Variants in ABTB3 observed in about 807,000 individuals in gnomAD.
The protein encoded by ABTB3 is ankyrin repeat- and BTB/POZ domain-containing protein 3.
the ABTB3 span, among the ~76,000 whole-genome samples, chr12:107,567,104 C>A: frequency 6.6e-6 from 1 of 152,304 alleles, no homozygotes; most frequent in Non-Finnish European, 1.5e-5. Flanking sequence ...GGGTGACAGA[C>A]CAAGATCTTG....
At chr12:107,401,089 A>T in the ABTB3 span, among the ~76,000 whole-genome samples, 1 of 152,142 alleles carries the variant, frequency 6.6e-6, no homozygotes, top group Non-Finnish European at 1.5e-5. Flanking sequence ...GCTCTCATGG[A>T]AACCTGGGGT....
the ABTB3 span, among the ~76,000 whole-genome samples, chr12:107,444,323 GC>G: frequency 6.6e-6 from 1 of 152,128 alleles, no homozygotes; most frequent in Non-Finnish European, 1.5e-5. Context: ...CAGAGAAGGG[GC>G]AATGAAACAA....
the ABTB3 span, among the ~76,000 whole-genome samples, chr12:107,375,410 C>A: frequency 5.4e-5 from 8 of 149,000 alleles, no homozygotes; most frequent in Admixed American, 2.7e-4. Flanking sequence ...CAGAGTGAGA[C>A]CTGGTGTCAG....
the ABTB3 span, among the ~76,000 whole-genome samples, chr12:107,619,667 G>A: frequency 0.028 from 4,213 of 152,206 alleles, 204 homozygotes; most frequent in African/African-American, 0.095. Flanking sequence ...AGTAGCGTGC[G>A]TAATAATTCC....
At chr12:107,483,612 T>A in the ABTB3 span, among the ~76,000 whole-genome samples, 3 of 152,198 alleles carry the variant, frequency 2.0e-5, 1 homozygote, top group Non-Finnish European at 1.5e-5. Flanking sequence ...ACTTGGTTGA[T>A]CTGATTCCCA....
chr12:107,549,816 C>G, the ABTB3 span, among the ~76,000 whole-genome samples: 1 of 152,158 alleles, frequency 6.6e-6, no homozygotes, highest in Non-Finnish European at 1.5e-5. Context: ...AGACCCAGAG[C>G]TTTGGACTTC....
the ABTB3 span, among the ~76,000 whole-genome samples, chr12:107,521,245 C>T: frequency 6.8e-6 from 1 of 147,374 alleles, no homozygotes; most frequent in Admixed American, 6.9e-5. Flanking sequence ...AGTCGCTGGT[C>T]ACATGTCTTC....
chr12:107,608,942 T>A, the ABTB3 span, among the ~76,000 whole-genome samples: 330 of 60,222 alleles, frequency 5.5e-3, 2 homozygotes, highest in Non-Finnish European at 7.6e-3. Context: ...TAAAATAAAA[T>A]AAATAAAATA....
chr12:107,611,218 C>CTT, the ABTB3 span, among the ~76,000 whole-genome samples: 1 of 151,418 alleles, frequency 6.6e-6, no homozygotes, highest in African/African-American at 2.4e-5. Flanking sequence ...GTTGAATATT[C>CTT]TTTTTTTTTA....
At chr12:107,586,620 CAG>C in the ABTB3 span, among the ~76,000 whole-genome samples, 2 of 152,202 alleles carry the variant, frequency 1.3e-5, no homozygotes, top group African/African-American at 4.8e-5. Flanking sequence ...TCCCAGAAAA[CAG>C]AGAAACTGCC....
At chr12:107,475,888 C>G in the ABTB3 span, among the ~76,000 whole-genome samples, 4 of 152,086 alleles carry the variant, frequency 2.6e-5, no homozygotes, top group Admixed American at 2.6e-4. Context: ...GAAGGTTGAA[C>G]AGCGCTTCAG....
chr12:107,505,200 T>G, the ABTB3 span, among the ~76,000 whole-genome samples: 1 of 152,350 alleles, frequency 6.6e-6, no homozygotes, highest in Non-Finnish European at 1.5e-5. Flanking sequence ...CCTTCACCAT[T>G]TGAACCACAG....
the ABTB3 span, among the ~76,000 whole-genome samples, chr12:107,324,491 A>G: frequency 6.6e-6 from 1 of 152,308 alleles, no homozygotes; most frequent in Non-Finnish European, 1.5e-5. Context: ...AAAATAAAAT[A>G]AAATAAAATT....
the ABTB3 span, among the ~76,000 whole-genome samples, chr12:107,449,657 C>CT: frequency 1.1e-4 from 16 of 151,306 alleles, no homozygotes; most frequent in Admixed American, 3.3e-4. Context: ...GAAGTACCCA[C>CT]TTTTTTTTTA....
the ABTB3 span, among the ~76,000 whole-genome samples, chr12:107,495,529 C>G: frequency 6.6e-6 from 1 of 152,222 alleles, no homozygotes; most frequent in Non-Finnish European, 1.5e-5. Context: ...GGGACTCCAT[C>G]CCTAACGGGG....
chr12:107,387,989 T>C, the ABTB3 span, among the ~76,000 whole-genome samples: 1 of 148,958 alleles, frequency 6.7e-6, no homozygotes, highest in Non-Finnish European at 1.5e-5. Flanking sequence ...TTTTTTTTTT[T>C]TGAGACAGAG....
the ABTB3 span, among the ~76,000 whole-genome samples, chr12:107,367,339 T>C: frequency 6.6e-6 from 1 of 152,188 alleles, no homozygotes; most frequent in Non-Finnish European, 1.5e-5. Flanking sequence ...AAATGCATAC[T>C]GAAGTCAACC....
At chr12:107,547,214 A>G in the ABTB3 span, among the ~76,000 whole-genome samples, 1 of 145,126 alleles carries the variant, frequency 6.9e-6, no homozygotes, top group Non-Finnish European at 1.5e-5. Flanking sequence ...GAGAAGAAGG[A>G]GAAGGGGGAG....
At chr12:107,413,627 GA>G in the ABTB3 span, among the ~76,000 whole-genome samples, 152 of 152,068 alleles carry the variant, frequency 1.0e-3, 1 homozygote, top group African/African-American at 3.4e-3. Context: ...TAAAAAAAAA[GA>G]AAAAAAATTG....
Sources: gnomAD v4.1 joint callset for allele counts (sites outside exome capture counted in the v4.1 genomes callset) on GRCh38, gnomAD v4.1.1 for gene constraint, MANE v1.5 for transcripts, NCBI Gene and HGNC (gene_info 2026-07-23, HGNC 2026-07-21) for gene names.